SHISAL2A: variants seen among roughly 807,000 people sequenced by gnomAD.
SHISAL2A encodes shisa like 2A, also known as protein shisa-like-2A.
Under a neutral mutation model 11.5 loss-of-function variants are expected in SHISAL2A, and 18 were observed. That is an observed-to-expected ratio of 1.57 (90% CI 1.08 to 2.33). SHISAL2A has a LOEUF of 2.33. Among genes scored for constraint, SHISAL2A ranks in the 30% most tolerant of loss-of-function variants. SHISAL2A has a pLI of 0.00. For missense variants in SHISAL2A, 261 were observed against 250.9 expected (o/e 1.04, Z -0.27); for synonymous variants, 94 against 99.6 (o/e 0.94, Z 0.34).
chr1:52,659,846 G>A (rs1221256927), downstream of SHISAL2A, among the ~76,000 whole-genome samples: 2 of 152,224 alleles, frequency 1.3e-5, no homozygotes, highest in Non-Finnish European at 2.9e-5. Context: ...GAGACTGGGA[G>A]GTTTCAGGAA....
At chr1:52,660,497 G>A (rs1691883084), downstream of SHISAL2A, among the ~76,000 whole-genome samples, 1 of 152,156 alleles carries the variant, frequency 6.6e-6, no homozygotes, top group African/African-American at 2.4e-5. Flanking sequence ...GACAGAAATA[G>A]TCTGAGCTCA....
chr1:52,650,592 A>C (rs1277556451), intron 2 of SHISAL2A, among the ~76,000 whole-genome samples: 1 of 147,016 alleles, frequency 6.8e-6, no homozygotes, highest in African/African-American at 2.5e-5. Flanking sequence ...AGGCGCTTCA[A>C]TTTTTACATG....
At chr1:52,665,655 C>G (rs1408687760) in intron 4 of SHISAL2A, among the ~76,000 whole-genome samples, 1 of 152,322 alleles carries the variant, frequency 6.6e-6, no homozygotes, top group South Asian at 2.1e-4. Context: ...AGTATGGGCC[C>G]TATTGGGGCC....
intron 1 of SHISAL2A, among the ~76,000 whole-genome samples, chr1:52,635,530 G>A (rs1226101298): frequency 6.6e-6 from 1 of 152,086 alleles, no homozygotes; most frequent in African/African-American, 2.4e-5. Context: ...AAGACCAGTT[G>A]AGCCAGTTTA....
intron 1 of SHISAL2A, among the ~76,000 whole-genome samples, chr1:52,637,389 T>C (rs1691260450): frequency 6.6e-6 from 1 of 152,226 alleles, no homozygotes. Flanking sequence ...GTTTGGCCCT[T>C]TTCATGAAAG....
chr1:52,667,533 T>C (rs914899215), exon 5 of SHISAL2A: 11 of 324,070 alleles, frequency 3.4e-5, no homozygotes, highest in African/African-American at 1.4e-4. Flanking sequence ...GTCATCGTCA[T>C]CATTATGTTG....
rs765401557 is a variant in SHISAL2A at position 52,642,855 on chromosome 1, C to T, written c.183-8C>T. The stretch of plus-strand genomic sequence containing the variant: ...ACTCTCAGCTCCCATGTGGTCTTCT[C>T]TTCCCAGCATTGGCGCTCTCATAGG... On this transcript the variant is annotated splice_polypyrimidine_tract_variant and splice_region_variant and intron_variant, in intron 1 of 2. Transcript: ENST00000517870. 1 of 1,612,750 alleles carries T rather than the reference C, an allele frequency of 6.2e-7. No individual in the cohort carries two copies. Among genetic ancestry groups the T allele is most frequent in the South Asian group, 1.1e-5 (1 of 91,000 alleles).
intron 4 of SHISAL2A, among the ~76,000 whole-genome samples, chr1:52,662,691 G>A (rs1691931901): frequency 6.6e-6 from 1 of 151,838 alleles, no homozygotes; most frequent in Admixed American, 6.6e-5. Context: ...GGCTCCAAGG[G>A]CTCTGGACAA....
chr1:52,639,018 T>C (rs1174786547), intron 1 of SHISAL2A, among the ~76,000 whole-genome samples: 2 of 151,914 alleles, frequency 1.3e-5, no homozygotes, highest in Non-Finnish European at 2.9e-5. Flanking sequence ...AAAAGAAATA[T>C]TAAAATTAGC....
chr1:52,667,508 A>ACCG (rs1178304493), exon 5 of SHISAL2A: 10 of 410,204 alleles, frequency 2.4e-5, no homozygotes, highest in African/African-American at 2.2e-4. Flanking sequence ...CACCACCACC[A>ACCG]CCATCATCAT....
Position 52,656,590 on chromosome 1 carries a change from A to C in SHISAL2A, c.323-200A>C, listed in dbSNP as rs959516204. ...TGTTTCTTATCTGTTTCCTCCACCA[A>C]ACTACAAGTTCATGAGCAACACTGA... On this transcript the variant is annotated intron_variant, in intron 2 of 2. Coordinates refer to ENST00000517870, the MANE Select transcript of SHISAL2A (RefSeq NM_001042693.3). Among the ~76,000 whole-genome samples the C allele has an allele frequency of 2.0e-5, 3 of 152,180 alleles. No homozygotes were observed. In the East Asian group the frequency reaches 5.8e-4, roughly 29 times the overall value.
chr1:52,635,216 A>C (rs1054136400), intron 1 of SHISAL2A, among the ~76,000 whole-genome samples: 6 of 152,212 alleles, frequency 3.9e-5, no homozygotes, highest in Admixed American at 1.3e-4. Flanking sequence ...TATTCACTTG[A>C]CAAGTTCATT....
chr1:52,633,214 T>A lies in SHISAL2A; in HGVS notation c.-280T>A, dbSNP rs1691164703. 3.6e-6 allele frequency: 1 copy of A among 274,824 alleles called. No homozygotes were observed. The highest frequency in any genetic ancestry group is 5.4e-5 in the Admixed American group (1 of 18,682). The allele number at this position is 274,824 out of a possible 1,614,324, so 17.0% of individuals were successfully genotyped here. ...TCCCGGCCCAGCTCCCCGCGTCCGC[T>A]CCGGCTCCTGCCGCGTTCCAGCAGC... On this transcript the variant is annotated 5_prime_UTR_variant, in exon 1 of 3. Coordinates refer to ENST00000517870, the MANE Select transcript of SHISAL2A (RefSeq NM_001042693.3). This position sits in a 1 kb window ranked among gnomAD's most constrained non-coding sequence, Gnocchi z 6.4.
chr1:52,654,262 C>T (rs75221172), intron 2 of SHISAL2A, among the ~76,000 whole-genome samples: 1,810 of 25,792 alleles, frequency 0.07, 26 homozygotes, highest in African/African-American at 0.16. Context: ...GATAGATAGA[C>T]AGATAGATAG....
intron 2 of SHISAL2A, among the ~76,000 whole-genome samples, chr1:52,647,876 TA>T (rs894906706): frequency 1.0e-3 from 150 of 143,006 alleles, no homozygotes; most frequent in East Asian, 3.2e-3. Flanking sequence ...AAATCTTTAT[TA>T]AAAAAAAAAA....
chr1:52,659,739 C>T (rs2149893449), downstream of SHISAL2A, among the ~76,000 whole-genome samples: 1 of 152,282 alleles, frequency 6.6e-6, no homozygotes, highest in East Asian at 1.9e-4. Context: ...GATGTTTAGT[C>T]CCTGACGCTC....
At chr1:52,647,010 T>G (rs1051892050) in intron 2 of SHISAL2A, among the ~76,000 whole-genome samples, 1 of 152,078 alleles carries the variant, frequency 6.6e-6, no homozygotes, top group African/African-American at 2.4e-5. Context: ...TTTTTTGTAT[T>G]TTTAGTAGAC....
At chr1:52,654,472 A>T (rs960625043) in intron 2 of SHISAL2A, among the ~76,000 whole-genome samples, 3 of 152,204 alleles carry the variant, frequency 2.0e-5, no homozygotes, top group Non-Finnish European at 2.9e-5. Context: ...ATAGATCAAA[A>T]TATGGTCCAG....
At chr1:52,665,642 A>G (rs1571707140) in intron 4 of SHISAL2A, among the ~76,000 whole-genome samples, 1 of 152,144 alleles carries the variant, frequency 6.6e-6, no homozygotes, top group African/African-American at 2.4e-5. Context: ...ATCTCCCTCA[A>G]TAAGTATGGG....
Sources: gnomAD v4.1 joint callset for allele counts (sites outside exome capture counted in the v4.1 genomes callset) on GRCh38, gnomAD v4.1.1 for gene constraint, Gnocchi (gnomAD v3.1) non-coding constraint, MANE v1.5 for transcripts, NCBI Gene and HGNC (gene_info 2026-07-23, HGNC 2026-07-21) for gene names.